The following PMM2 variants were observed in gnomAD, a reference collection of about 807,000 sequenced individuals.
PMM2 encodes the protein mannose-6-phosphate isomerase.
A neutral mutation model predicts 33.2 loss-of-function variants in PMM2; 35 were observed. The observed-to-expected ratio is 1.06, with a 90% confidence interval of 0.81 to 1.40. The LOEUF (loss-of-function observed/expected upper bound fraction) is 1.40. PMM2 is among the 40% of genes most tolerant of loss of function. PMM2 has a pLI of 0.00. For synonymous variants in PMM2, 153 were observed against 114.7 expected, an observed-to-expected ratio of 1.33 and a Z score of -2.13; for missense variants, 386 against 306.0, an observed-to-expected ratio of 1.26 and a Z score of -1.95.
At chr16:8,820,144 C>G (rs1043319723) in intron 7 of PMM2, among the ~76,000 whole-genome samples, 3 of 152,144 alleles carry the variant, frequency 2.0e-5, no homozygotes, top group African/African-American at 7.2e-5. Context: ...TTGCAGTGAG[C>G]TGAGATTGTG....
chr16:8,839,126 C>G (rs1187817386), intron 7 of PMM2, among the ~76,000 whole-genome samples: 1 of 151,752 alleles, frequency 6.6e-6, no homozygotes, highest in African/African-American at 2.4e-5. Context: ...CCTAAACCGA[C>G]CATCAAGGGA....
chr16:8,806,614 G>A (rs1254484119), intron 4 of PMM2: 3 of 600,308 alleles, frequency 5.0e-6, no homozygotes, highest in African/African-American at 3.7e-5. Flanking sequence ...TGGCTGCCCT[G>A]GTGCTGCTGG....
intron 1 of PMM2, among the ~76,000 whole-genome samples, chr16:8,801,165 G>C (rs1448269078): frequency 6.6e-6 from 1 of 152,194 alleles, no homozygotes; most frequent in African/African-American, 2.4e-5. Flanking sequence ...TTCCATTTAT[G>C]TTTCAAAAAT....
chr16:8,812,145 C>A (rs536709933), intron 6 of PMM2, among the ~76,000 whole-genome samples: 1 of 152,274 alleles, frequency 6.6e-6, no homozygotes, highest in South Asian at 2.1e-4. Flanking sequence ...CAGCAAGGAA[C>A]CTTAGGGGCC....
chr16:8,823,884 A>C (rs750509237), intron 7 of PMM2, among the ~76,000 whole-genome samples: 2 of 152,224 alleles, frequency 1.3e-5, no homozygotes, highest in South Asian at 2.1e-4. Flanking sequence ...CTGTTAGTCA[A>C]CTTTGTTCCT....
At chr16:8,805,198 G>T (rs1390281145) in intron 3 of PMM2, among the ~76,000 whole-genome samples, 2 of 152,182 alleles carry the variant, frequency 1.3e-5, no homozygotes, top group African/African-American at 4.8e-5. Flanking sequence ...CTCCCCCATA[G>T]CTGGGATTAC....
Position 8,841,197 on chromosome 16 carries a change from A to T in PMM2, c.640-6527A>T, listed in dbSNP as rs552664891. Among the ~76,000 whole-genome samples the T allele has an allele frequency of 3.8e-4, 58 of 151,214 alleles. No individual in the cohort carries two copies. The East Asian group carries it at 0.011, about 28-fold the overall frequency. On this transcript the variant is annotated intron_variant, in intron 7 of 7. Transcript: ENST00000268261. ...GGACTGTAAGGGATATGAAGGTTCC[A>T]CTGAATACTAAGAGCCTGAGAAACT...
At chr16:8,811,518 C>G (rs1169012005) in intron 5 of PMM2, 120 bp from the exon 6 acceptor site, 38 of 749,534 alleles carry the variant, frequency 5.1e-5, no homozygotes, top group Non-Finnish European at 1.6e-5. Context: ...AGACCCCCAT[C>G]TCAAAAACTA....
At chr16:8,814,443 C>T (rs1182253806) in intron 7 of PMM2, among the ~76,000 whole-genome samples, 1 of 152,216 alleles carries the variant, frequency 6.6e-6, no homozygotes, top group African/African-American at 2.4e-5. Flanking sequence ...CAGAGTTTCT[C>T]ATCCCTCTGA....
chr16:8,847,957 G>A lies in PMM2; in HGVS notation c.*132G>A. On this transcript the variant is annotated 3_prime_UTR_variant, in exon 8 of 8. Transcript: ENST00000268261. ...AGGCTCTGCATGCTATGCCAGGCAT[G>A]TGCAGTCTGGACTTCCACCTCCAGT... 2 of 685,356 alleles carry A rather than the reference G, an allele frequency of 2.9e-6. No individual in the cohort carries two copies. Among genetic ancestry groups the A allele is most frequent in the Non-Finnish European group, 5.2e-6 (2 of 382,722 alleles). The allele number at this position is 685,356 out of a possible 1,614,324, so 42.5% of individuals were successfully genotyped here.
chr16:8,821,589 C>T (rs1421736066), intron 7 of PMM2, among the ~76,000 whole-genome samples: 1 of 152,202 alleles, frequency 6.6e-6, no homozygotes, highest in African/African-American at 2.4e-5. Flanking sequence ...ATTCCAGGCC[C>T]AGATCCGTCA....
intron 7 of PMM2, among the ~76,000 whole-genome samples, chr16:8,834,101 C>T (rs1229662658): frequency 3.9e-5 from 6 of 152,120 alleles, no homozygotes; most frequent in African/African-American, 9.7e-5. Context: ...TAAAAAGGAG[C>T]GTCTATACAG....
intron 1 of PMM2, 116 bp from the exon 2 acceptor site, chr16:8,801,683 T>G: frequency 1.5e-6 from 1 of 675,522 alleles, no homozygotes; most frequent in Non-Finnish European, 2.5e-6. Flanking sequence ...AAAAAAATTT[T>G]TTCTTTAATT....
At chr16:8,833,920 G>A (rs970205869) in intron 7 of PMM2, among the ~76,000 whole-genome samples, 4 of 152,074 alleles carry the variant, frequency 2.6e-5, no homozygotes, top group Non-Finnish European at 4.4e-5. Context: ...GATATCAGCT[G>A]TGATGGCTTG....
intron 7 of PMM2, among the ~76,000 whole-genome samples, chr16:8,818,396 T>C (rs1226415603): frequency 6.6e-6 from 1 of 152,244 alleles, no homozygotes; most frequent in Admixed American, 6.5e-5. Context: ...AAATTAGCAG[T>C]CCAGCCATGT....
chr16:8,836,450 C>T (rs566784682), intron 7 of PMM2, among the ~76,000 whole-genome samples: 110 of 152,036 alleles, frequency 7.2e-4, no homozygotes, highest in African/African-American at 2.5e-3. Flanking sequence ...TTCCTTGGCC[C>T]AGTGGCCAGA....
chr16:8,828,338 C>G (rs1282757566), intron 7 of PMM2, among the ~76,000 whole-genome samples: 1 of 151,554 alleles, frequency 6.6e-6, no homozygotes, highest in Non-Finnish European at 1.5e-5. Flanking sequence ...AAATGGCACA[C>G]AAAAAAAACT....
rs529694014 is a variant in PMM2, at chr16:8,811,546, A to G, written c.448-92A>G. ...AAAAACTAAACAAATAAATAAATCA[A>G]TAAGATAATCCTACCTTTGTGGCCA... is the stretch of plus-strand genomic sequence containing the variant. On this transcript the variant is annotated intron_variant, in intron 5 of 7. Coordinates refer to ENST00000268261, the MANE Select transcript of PMM2 (RefSeq NM_000303.3). 3.0e-4 allele frequency: 251 copies of G among 844,382 alleles called. No homozygotes were observed. The African/African-American group carries it at 3.4e-3, about 11-fold the overall frequency. 52.3% of individuals were successfully genotyped at this position (844,382 alleles called of 1,614,324 possible).
chr16:8,840,719 G>A lies in PMM2; in HGVS notation c.640-7005G>A, dbSNP rs1448924176. ...GATGGACACAGCTTTATTCTGGAAC[G>A]GTGAGCCTAGTGGGGAGGATCCTGC... On this transcript the variant is annotated intron_variant, in intron 7 of 7. Transcript: ENST00000268261. Among the ~76,000 whole-genome samples the A allele has an allele frequency of 2.8e-5, 4 of 143,446 alleles. 1 individual carries two copies. The highest frequency in any genetic ancestry group is 1.2e-4 in the African/African-American group (4 of 33,420). 94.1% of individuals were successfully genotyped at this position (143,446 alleles called of 152,430 possible). A position where few individuals can be genotyped will look rare whatever the true frequency, so the allele number is the denominator to read the frequency against.
Sources: allele counts gnomAD v4.1 joint callset (sites outside exome capture counted in the v4.1 genomes callset), GRCh38; gene constraint gnomAD v4.1.1; transcripts MANE v1.5; gene names NCBI Gene and HGNC (gene_info 2026-07-23, HGNC 2026-07-21).